The following CD163L1 variants were observed in gnomAD, a reference collection of about 807,000 sequenced individuals.
The protein encoded by CD163L1 is CD163 molecule like 1.
CD163L1 carries 124 observed loss-of-function variants against 165.4 expected under a neutral mutation model. The observed-to-expected ratio is 0.75, with a 90% confidence interval of 0.65 to 0.87. The LOEUF is 0.87. CD163L1 is among the 40% of genes least tolerant of loss of function. The pLI is 0.00. For missense variants in CD163L1, 1,525 were observed against 1,799.9 expected (o/e 0.85, Z 2.76); for synonymous variants, 585 against 662.2 (o/e 0.88, Z 1.79).
chr12:7,330,364 G>GCC, the CD163L1 span, among the ~76,000 whole-genome samples: 3 of 152,164 alleles, frequency 2.0e-5, no homozygotes, highest in African/African-American at 4.8e-5. Context: ...TAACTTTACA[G>GCC]CCCCTCAATA....
At chr12:7,334,921 A>T in the CD163L1 span, among the ~76,000 whole-genome samples, 1 of 152,238 alleles carries the variant, frequency 6.6e-6, no homozygotes, top group Non-Finnish European at 1.5e-5. Flanking sequence ...ATACCTAGGA[A>T]TCCAATTTAC....
intron 4 of CD163L1, among the ~76,000 whole-genome samples, chr12:7,411,297 A>G (rs981437301): frequency 6.6e-6 from 1 of 152,214 alleles, no homozygotes; most frequent in Admixed American, 6.5e-5. Context: ...AAGTCTTACT[A>G]AAACAAATAA....
At chr12:7,336,208 C>T in the CD163L1 span, among the ~76,000 whole-genome samples, 268 of 121,360 alleles carry the variant, frequency 2.2e-3, no homozygotes, top group South Asian at 5.2e-3. Context: ...CACATGCACA[C>T]GTATGTTTAT....
chr12:7,320,447 CTTTGGGTTGTTCTCAAA>C, the CD163L1 span, among the ~76,000 whole-genome samples: 1 of 152,136 alleles, frequency 6.6e-6, no homozygotes, highest in Non-Finnish European at 1.5e-5. Context: ...CCAGTTCATA[CTTTGGGTTGTTCTCAAA>C]TTAAGCAATT....
chr12:7,327,539 T>A, the CD163L1 span, among the ~76,000 whole-genome samples: 2 of 152,212 alleles, frequency 1.3e-5, no homozygotes. Context: ...CTATGGAATC[T>A]TTCCTGAAAC....
At chr12:7,421,617 ATG>A (rs369703126) in intron 4 of CD163L1, among the ~76,000 whole-genome samples, 571 of 6,324 alleles carry the variant, frequency 0.09, 3 homozygotes, top group African/African-American at 0.19. Context: ...ATATACATAT[ATG>A]TACATATATA....
At chr12:7,366,117 G>A (rs1388808825) in intron 18 of CD163L1, among the ~76,000 whole-genome samples, 1 of 152,020 alleles carries the variant, frequency 6.6e-6, no homozygotes, top group Non-Finnish European at 1.5e-5. Flanking sequence ...GGAACTAGAG[G>A]TCATTATGTT....
chr12:7,426,681 C>A (rs10845134), intron 4 of CD163L1, among the ~76,000 whole-genome samples: 16,728 of 152,046 alleles, frequency 0.11, 1,689 homozygotes, highest in African/African-American at 0.26. Flanking sequence ...TGGCACATGT[C>A]TACCCATGTA....
At chr12:7,361,938 C>G (rs1460433225) in intron 18 of CD163L1, among the ~76,000 whole-genome samples, 1 of 151,844 alleles carries the variant, frequency 6.6e-6, no homozygotes, top group Non-Finnish European at 1.5e-5. Context: ...CCCCTGGAAA[C>G]TACCATTCTA....
chr12:7,323,664 C>T, the CD163L1 span: 1 of 989,330 alleles, frequency 1.0e-6, no homozygotes, highest in East Asian at 2.6e-5. Flanking sequence ...CAAAATCTTT[C>T]ACAACTGTAA....
At chr12:7,415,287 G>A (rs962100489) in intron 4 of CD163L1, among the ~76,000 whole-genome samples, 1 of 151,756 alleles carries the variant, frequency 6.6e-6, no homozygotes. Context: ...TAAGCTTTGT[G>A]GTAAACATAA....
At chr12:7,323,217 G>T in the CD163L1 span, 1 of 1,594,274 alleles carries the variant, frequency 6.3e-7, no homozygotes, top group South Asian at 1.1e-5. Flanking sequence ...CTTATACAAA[G>T]CTTGTCCTCT....
intron 8 of CD163L1, among the ~76,000 whole-genome samples, chr12:7,395,671 T>G (rs1197329428): frequency 6.6e-6 from 1 of 152,218 alleles, no homozygotes; most frequent in East Asian, 1.9e-4. Context: ...GGATTTATCT[T>G]ACATAAATAA....
At chr12:7,326,409 C>A in the CD163L1 span, among the ~76,000 whole-genome samples, 56 of 152,290 alleles carry the variant, frequency 3.7e-4, no homozygotes, top group African/African-American at 1.3e-3. Flanking sequence ...GGGGTCTCAC[C>A]ATGTTGACCA....
In CD163L1 at chr12:7,373,499, A is replaced by G. The variant is rs1484782771; in HGVS notation, c.3551T>C (p.Leu1184Pro). The change falls in exon 14 of 20, where the codon CTG becomes CCG. Residue 1184 changes from leucine (L) to proline (P), a missense_variant. Transcript: ENST00000313599. ...GACAACTCCATTCTCCCCACAGCCC[A>G]GCTGCCTGCACACAATGCCTGCTAT... ...TAIAGIVCRQ[L>P]GCGENGVVSL... is the part of the protein sequence containing the mutation. The G allele has an allele frequency of 1.9e-6, 3 of 1,614,244 alleles. No individual in the cohort carries two copies. The East Asian group carries it at 6.7e-5, about 36-fold the overall frequency.
chr12:7,354,716 A>C (rs763239412), downstream of CD163L1, among the ~76,000 whole-genome samples: 3 of 152,212 alleles, frequency 2.0e-5, no homozygotes, highest in South Asian at 6.2e-4. Flanking sequence ...AGATCTGATG[A>C]GGGCTCCCTG....
At chr12:7,405,626 G>A (rs746125190) in intron 5 of CD163L1, among the ~76,000 whole-genome samples, 5 of 152,010 alleles carry the variant, frequency 3.3e-5, no homozygotes, top group Non-Finnish European at 5.9e-5. Flanking sequence ...CGTTCCCTGC[G>A]GCATACTCTA....
the CD163L1 span, chr12:7,328,347 A>C: frequency 6.3e-7 from 1 of 1,593,860 alleles, no homozygotes; most frequent in East Asian, 2.3e-5. Flanking sequence ...CAACGTTTTA[A>C]GAGACCAAGA....
chr12:7,352,783 G>A (rs942312137), downstream of CD163L1, among the ~76,000 whole-genome samples: 3 of 152,052 alleles, frequency 2.0e-5, no homozygotes, highest in Admixed American at 6.6e-5. Flanking sequence ...TGTAGTCCAG[G>A]CAAGTTAACA....
Sources: gnomAD v4.1 joint callset for allele counts (sites outside exome capture counted in the v4.1 genomes callset) on GRCh38, gnomAD v4.1.1 for gene constraint, MANE v1.5 for transcripts, NCBI Gene and HGNC (gene_info 2026-07-23, HGNC 2026-07-21) for gene names.